Variants in CSRNP3 observed in about 807,000 individuals in gnomAD.
CSRNP3 encodes cysteine/serine-rich nuclear protein 3.
Under a neutral mutation model 48.0 loss-of-function variants are expected in CSRNP3, and 12 were observed. That is an observed-to-expected ratio of 0.25 (90% CI 0.16 to 0.41). CSRNP3 has a LOEUF of 0.41. CSRNP3 is among the 10% of genes least tolerant of loss of function. The pLI, the probability that CSRNP3 is intolerant of heterozygous loss-of-function variation, is 1.00. For missense variants in CSRNP3, 580 were observed against 724.4 expected (o/e 0.80, Z 2.29); for synonymous variants, 263 against 269.7 (o/e 0.98, Z 0.24).
intron 3 of CSRNP3, among the ~76,000 whole-genome samples, chr2:165,578,651 C>T (rs1685491799): frequency 6.6e-6 from 1 of 151,802 alleles, no homozygotes; most frequent in Non-Finnish European, 1.5e-5. Flanking sequence ...TTTAACAAAC[C>T]TGGGTAACTT....
At chr2:165,527,326 C>T (rs1242660237) in intron 3 of CSRNP3, among the ~76,000 whole-genome samples, 1 of 150,890 alleles carries the variant, frequency 6.6e-6, no homozygotes, top group African/African-American at 2.4e-5. Flanking sequence ...CCTGCCTCAG[C>T]CTCCCGAGTA....
intron 3 of CSRNP3, among the ~76,000 whole-genome samples, chr2:165,592,680 C>G (rs1263311781): frequency 6.6e-6 from 1 of 152,016 alleles, no homozygotes; most frequent in African/African-American, 2.4e-5. Context: ...TTCCCTTTTT[C>G]TTGGAACTTC....
intron 1 of CSRNP3, among the ~76,000 whole-genome samples, chr2:165,469,999 G>A (rs950603191): frequency 2.0e-5 from 3 of 152,062 alleles, no homozygotes; most frequent in Admixed American, 6.6e-5. Flanking sequence ...TTCTATGCAA[G>A]TGTCACTGAA....
At chr2:165,499,439 C>T (rs955059677) in intron 2 of CSRNP3, among the ~76,000 whole-genome samples, 5 of 152,002 alleles carry the variant, frequency 3.3e-5, no homozygotes, top group African/African-American at 9.7e-5. Flanking sequence ...ACAGTTGGTG[C>T]GATTTCTAAA....
At chr2:165,574,286 T>C (rs1188959749) in intron 3 of CSRNP3, 46 of 1,179,042 alleles carry the variant, frequency 3.9e-5, no homozygotes, top group Non-Finnish European at 5.1e-5. Context: ...GTCACAGGGC[T>C]GGTGGAAAGC....
intron 5 of CSRNP3, among the ~76,000 whole-genome samples, chr2:165,672,249 C>G (rs554605994): frequency 1.3e-5 from 2 of 152,304 alleles, no homozygotes; most frequent in East Asian, 3.9e-4. Context: ...TCACCCTACT[C>G]CTGGTACCAG....
At chr2:165,486,567 A>T (rs1684121479) in intron 1 of CSRNP3, among the ~76,000 whole-genome samples, 1 of 100,300 alleles carries the variant, frequency 1.0e-5, no homozygotes, top group African/African-American at 4.0e-5. Context: ...TGAAGAGAGC[A>T]GTGGTTCTCC....
chr2:165,476,956 C>A (rs1008624745), intron 1 of CSRNP3, among the ~76,000 whole-genome samples: 1 of 152,124 alleles, frequency 6.6e-6, no homozygotes, highest in Non-Finnish European at 1.5e-5. Flanking sequence ...TTTGTAATGA[C>A]TTCCTAAGTA....
chr2:165,670,716 A>G (rs1687314088), intron 5 of CSRNP3, among the ~76,000 whole-genome samples: 1 of 152,204 alleles, frequency 6.6e-6, no homozygotes, highest in Non-Finnish European at 1.5e-5. Flanking sequence ...AGCTGTTATT[A>G]ATATTATGTC....
At chr2:165,677,436 G>T (rs1269461144) in intron 6 of CSRNP3, among the ~76,000 whole-genome samples, 1 of 152,070 alleles carries the variant, frequency 6.6e-6, no homozygotes, top group African/African-American at 2.4e-5. Context: ...CATTTATAAT[G>T]TCATTGGTGC....
intron 3 of CSRNP3, among the ~76,000 whole-genome samples, chr2:165,584,148 G>A (rs926314843): frequency 4.6e-5 from 7 of 152,124 alleles, no homozygotes; most frequent in African/African-American, 1.4e-4. Context: ...AGCAAAATTA[G>A]GAATGCTTTT....
intron 3 of CSRNP3, among the ~76,000 whole-genome samples, chr2:165,520,176 A>G (rs899091898): frequency 3.3e-5 from 5 of 152,216 alleles, no homozygotes; most frequent in African/African-American, 1.2e-4. Context: ...GAAAATATAT[A>G]GAGTTGGAAA....
intron 3 of CSRNP3, among the ~76,000 whole-genome samples, chr2:165,576,939 C>T (rs529469245): frequency 5.3e-5 from 8 of 151,970 alleles, no homozygotes; most frequent in African/African-American, 1.9e-4. Flanking sequence ...CTTTGATTAC[C>T]AGTCTGTCTT....
chr2:165,602,016 G>A (rs1685923653), intron 4 of CSRNP3, among the ~76,000 whole-genome samples: 1 of 152,054 alleles, frequency 6.6e-6, no homozygotes, highest in Non-Finnish European at 1.5e-5. Context: ...ATACAACTTG[G>A]CGATACAGTG....
intron 1 of CSRNP3, among the ~76,000 whole-genome samples, chr2:165,479,277 A>G (rs531109938): frequency 6.6e-6 from 1 of 152,308 alleles, no homozygotes; most frequent in East Asian, 1.9e-4. Flanking sequence ...GAAAAAATGT[A>G]ATTCTAAGTA....
At chr2:165,625,848 G>A (rs4667831) in intron 4 of CSRNP3, among the ~76,000 whole-genome samples, 47,747 of 147,318 alleles carry the variant, frequency 0.32, 8,339 homozygotes, top group East Asian at 0.47. Flanking sequence ...CAGGAGAATC[G>A]CGTGAACTCG....
At chr2:165,554,449 CA>C (rs1437542634) in intron 3 of CSRNP3, among the ~76,000 whole-genome samples, 1 of 152,166 alleles carries the variant, frequency 6.6e-6, no homozygotes, top group Non-Finnish European at 1.5e-5. Flanking sequence ...ATAGACATCT[CA>C]AAGTTAATTT....
At chr2:165,479,777 T>C (rs1465836449) in intron 1 of CSRNP3, among the ~76,000 whole-genome samples, 3 of 151,818 alleles carry the variant, frequency 2.0e-5, no homozygotes, top group Non-Finnish European at 2.9e-5. Flanking sequence ...TCCTAGCTAC[T>C]TGGAGGCTGA....
At chr2:165,601,409 G>T (rs1392298666) in intron 4 of CSRNP3, among the ~76,000 whole-genome samples, 1 of 152,122 alleles carries the variant, frequency 6.6e-6, no homozygotes, top group Admixed American at 6.5e-5. Flanking sequence ...AAAATATCAG[G>T]AAGTAAAAGG....
Sources: gnomAD v4.1 joint callset for allele counts (sites outside exome capture counted in the v4.1 genomes callset) on GRCh38, gnomAD v4.1.1 for gene constraint, MANE v1.5 for transcripts, NCBI Gene and HGNC (gene_info 2026-07-23, HGNC 2026-07-21) for gene names.